The following DOCK3 variants were observed in gnomAD, a reference collection of about 807,000 sequenced individuals.
The protein encoded by DOCK3 is dedicator of cytokinesis 3.
A neutral mutation model predicts 265.6 loss-of-function variants in DOCK3; 60 were observed. The observed-to-expected ratio is 0.23, with a 90% CI of 0.18 to 0.28. The LOEUF is 0.28. Ranked by LOEUF, DOCK3 falls within the 10% of genes least tolerant of loss-of-function variation. DOCK3 has a pLI of 1.00. For synonymous variants in DOCK3, 881 were observed against 938.0 expected, an observed-to-expected ratio of 0.94 and a Z score of 1.11; for missense variants, 1,981 against 2,594.3, an observed-to-expected ratio of 0.76 and a Z score of 5.14.
At chr3:51,224,445 AAG>A (rs1341833041) in intron 14 of DOCK3, among the ~76,000 whole-genome samples, 2 of 152,210 alleles carry the variant, frequency 1.3e-5, no homozygotes, top group African/African-American at 4.8e-5. Context: ...CAGTGCAAAA[AAG>A]AGAGCATTGT....
intron 5 of DOCK3, among the ~76,000 whole-genome samples, chr3:50,976,162 A>G (rs1324543976): frequency 4.9e-5 from 6 of 121,558 alleles, no homozygotes; most frequent in Non-Finnish European, 5.2e-5. Flanking sequence ...CTCTGATTTT[A>G]GTTATTTCTT....
rs964767040 is a variant in DOCK3 at position 51,367,303 on chromosome 3, G to A, written c.5293+4629G>A. Among the ~76,000 whole-genome samples the A allele has an allele frequency of 2.0e-5, 3 of 152,148 alleles. No homozygotes were observed. The East Asian group carries it at 5.8e-4, about 29-fold the overall frequency. ...TAAAGTCTGTTTTATCAGAGACGAG[G>A]ATTGCAATCCCTGCTTTTTTTTTGT... On this transcript the variant is annotated intron_variant, in intron 49 of 52. Coordinates refer to ENST00000266037, the MANE Select transcript of DOCK3 (RefSeq NM_004947.5).
chr3:51,176,613 G>A (rs557955297), intron 12 of DOCK3, among the ~76,000 whole-genome samples: 2 of 152,068 alleles, frequency 1.3e-5, no homozygotes, highest in South Asian at 2.1e-4. Flanking sequence ...GCAACAGAGC[G>A]AGACTCCGTC....
At chr3:51,304,062 A>G (rs2082508819) in intron 27 of DOCK3, among the ~76,000 whole-genome samples, 1 of 152,182 alleles carries the variant, frequency 6.6e-6, no homozygotes, top group African/African-American at 2.4e-5. Flanking sequence ...AGGTCTCCGC[A>G]GCCCCTCAGT....
intron 3 of DOCK3, among the ~76,000 whole-genome samples, chr3:50,889,402 A>G (rs1057167664): frequency 2.2e-4 from 34 of 151,890 alleles, no homozygotes; most frequent in African/African-American, 6.3e-4. Flanking sequence ...TGTTTTATTT[A>G]AAGAGCATTT....
At chr3:50,979,807 T>C (rs2077623847) in intron 5 of DOCK3, among the ~76,000 whole-genome samples, 1 of 152,260 alleles carries the variant, frequency 6.6e-6, no homozygotes, top group Non-Finnish European at 1.5e-5. Flanking sequence ...TGATTTTGCA[T>C]CCTACAACTT....
intron 18 of DOCK3, among the ~76,000 whole-genome samples, chr3:51,229,138 G>C (rs904391969): frequency 6.6e-6 from 1 of 152,100 alleles, no homozygotes; most frequent in African/African-American, 2.4e-5. Context: ...GAGAGTCTGG[G>C]CCTTGCTTGA....
intron 12 of DOCK3, among the ~76,000 whole-genome samples, chr3:51,173,041 T>C (rs183859464): frequency 1.4e-4 from 21 of 152,338 alleles, no homozygotes; most frequent in Non-Finnish European, 2.6e-4. Flanking sequence ...TTAAACTATA[T>C]ATTAGTGATA....
At chr3:51,326,583 T>TTG (rs2084132171) in intron 32 of DOCK3, among the ~76,000 whole-genome samples, 3 of 140,118 alleles carry the variant, frequency 2.1e-5, no homozygotes, top group Middle Eastern at 3.6e-3. Flanking sequence ...CCTGGCATGT[T>TTG]TTGTTGTTGT....
chr3:51,152,081 G>T (rs542207348), intron 10 of DOCK3, among the ~76,000 whole-genome samples: 104 of 152,180 alleles, frequency 6.8e-4, no homozygotes, highest in African/African-American at 2.4e-3. Context: ...ATAATATCCT[G>T]CAGAGTGTTT....
Position 51,270,920 on chromosome 3 carries a change from A to G in DOCK3, c.2461A>G (p.Ser821Gly). The change falls in exon 24 of 53, where the codon AGC becomes GGC. Residue 821 changes from serine (S) to glycine (G), a missense_variant. Transcript: ENST00000266037. Reference protein sequence around the residue: ...FVRGTLGSMPSTVHIGQSMDV... With the variant: ...FVRGTLGSMPGTVHIGQSMDV... ...GAGAGGGACACTGGGGAGCATGCCC[A>G]GCACTGTGCACATTGGGCAGTCAAT... 6.2e-7 allele frequency: 1 copy of G among 1,614,032 alleles called. No individual in the cohort carries two copies. Among genetic ancestry groups the G allele is most frequent in the Non-Finnish European group, 8.5e-7 (1 of 1,179,894 alleles).
intron 5 of DOCK3, among the ~76,000 whole-genome samples, chr3:50,989,594 A>G (rs2078032766): frequency 6.6e-6 from 1 of 152,224 alleles, no homozygotes. Context: ...GTCAGCTTCA[A>G]ATAAAACCCC....
chr3:50,940,026 T>G (rs942904876), intron 5 of DOCK3, among the ~76,000 whole-genome samples: 2 of 135,534 alleles, frequency 1.5e-5, no homozygotes, highest in Non-Finnish European at 3.3e-5. Context: ...AACAAGTTTG[T>G]GGTTGCAGAT....
intron 5 of DOCK3, among the ~76,000 whole-genome samples, chr3:51,026,613 A>G (rs1158960848): frequency 6.6e-6 from 1 of 151,950 alleles, no homozygotes; most frequent in East Asian, 1.9e-4. Flanking sequence ...CATCTGGTCT[A>G]AGGCTTTTGT....
intron 12 of DOCK3, among the ~76,000 whole-genome samples, chr3:51,206,547 T>C (rs938121940): frequency 1.3e-5 from 2 of 151,950 alleles, no homozygotes. Flanking sequence ...AAAGGCAATA[T>C]TGAACTGAAT....
At chr3:50,983,416 C>T (rs1388318067) in intron 5 of DOCK3, among the ~76,000 whole-genome samples, 1 of 152,120 alleles carries the variant, frequency 6.6e-6, no homozygotes, top group Non-Finnish European at 1.5e-5. Context: ...GCCTCTGGAC[C>T]AGTCATACAC....
intron 5 of DOCK3, among the ~76,000 whole-genome samples, chr3:51,035,818 C>A (rs2108989275): frequency 6.6e-6 from 1 of 152,272 alleles, no homozygotes; most frequent in East Asian, 1.9e-4. Context: ...CCCTTGAAAA[C>A]AAACTGCTTT....
chr3:51,136,367 T>C (rs1255696050), intron 9 of DOCK3, among the ~76,000 whole-genome samples: 8 of 151,898 alleles, frequency 5.3e-5, no homozygotes, highest in African/African-American at 1.9e-4. Flanking sequence ...GTTGGGACTA[T>C]AGGCACCCAC....
intron 1 of DOCK3, among the ~76,000 whole-genome samples, chr3:50,738,919 A>C (rs1015687757): frequency 1.3e-5 from 2 of 151,894 alleles, no homozygotes; most frequent in Non-Finnish European, 2.9e-5. Context: ...TTCATTGTTT[A>C]CTTTTTGTAG....
Sources: allele counts gnomAD v4.1 joint callset (sites outside exome capture counted in the v4.1 genomes callset), GRCh38; gene constraint gnomAD v4.1.1; transcripts MANE v1.5; gene names NCBI Gene and HGNC (gene_info 2026-07-23, HGNC 2026-07-21).